The following TEAD1 variants were observed in gnomAD, a reference collection of about 807,000 sequenced individuals.
TEAD1 encodes TEA domain transcription factor 1.
Under a neutral mutation model 54.9 loss-of-function variants are expected in TEAD1, and 9 were observed. That is an observed-to-expected ratio of 0.16 (90% confidence interval 0.10 to 0.29). TEAD1 has a LOEUF of 0.29. Among genes scored for constraint, TEAD1 ranks in the 10% least tolerant of loss-of-function variants. TEAD1 has a pLI of 1.00. For missense variants in TEAD1, 387 were observed against 535.9 expected (o/e 0.72, Z 2.74); for synonymous variants, 200 against 187.8 (o/e 1.07, Z -0.53).
Position 12,940,411 on chromosome 11 carries a change from C to A in TEAD1, c.*3189C>A, listed in dbSNP as rs920824924. On this transcript the variant is annotated 3_prime_UTR_variant, in exon 13 of 13. Transcript: ENST00000527636. ...ATATCCCATCGGGTGCAAAATGATCCCTGGTCAAGATCTGTTGCCCAAGAT... is the reference window on the plus strand; with the variant it reads ...ATATCCCATCGGGTGCAAAATGATCACTGGTCAAGATCTGTTGCCCAAGAT... 1.3e-5 allele frequency: 2 copies of A among 152,148 alleles called. No individual in the cohort carries two copies. Among genetic ancestry groups the A allele is most frequent in the African/African-American group, 2.4e-5 (1 of 41,420 alleles). The allele number at this position is 152,148 out of a possible 1,614,324, so 9.4% of individuals were successfully genotyped here. A position where few individuals can be genotyped will look rare whatever the true frequency, so the allele number is the denominator to read the frequency against.
intron 10 of TEAD1, among the ~76,000 whole-genome samples, chr11:12,915,556 G>C (rs989099574): frequency 6.6e-6 from 1 of 152,192 alleles, no homozygotes; most frequent in African/African-American, 2.4e-5. Flanking sequence ...AAACCAAACA[G>C]ATCCAGGATG....
chr11:12,746,579 A>G (rs979326704), intron 2 of TEAD1, among the ~76,000 whole-genome samples: 1 of 152,260 alleles, frequency 6.6e-6, no homozygotes, highest in African/African-American at 2.4e-5. Flanking sequence ...GAGTGTAGTT[A>G]TGAATTTAAT....
At chr11:12,865,025 T>G (rs1238171219) in intron 5 of TEAD1, 125 bp downstream of exon 5, 23 of 1,056,234 alleles carry the variant, frequency 2.2e-5, no homozygotes, top group Admixed American at 7.2e-5. Context: ...TGAGAGCTGT[T>G]TACATTTCTT....
chr11:12,798,153 C>T (rs1172452891), intron 3 of TEAD1, among the ~76,000 whole-genome samples: 2 of 152,188 alleles, frequency 1.3e-5, no homozygotes, highest in African/African-American at 2.4e-5. Flanking sequence ...ATAGTTGCCT[C>T]CTGCACACAT....
intron 9 of TEAD1, among the ~76,000 whole-genome samples, chr11:12,890,540 A>G (rs992721151): frequency 1.3e-5 from 2 of 152,190 alleles, no homozygotes; most frequent in African/African-American, 4.8e-5. Context: ...CTCAGTTTCC[A>G]GTCTGTCTTA....
chr11:12,881,154 G>A (rs890844940), intron 7 of TEAD1, 103 bp downstream of exon 7: 27 of 1,321,866 alleles, frequency 2.0e-5, no homozygotes, highest in Non-Finnish European at 2.6e-5. Context: ...GGAGGAGAAA[G>A]GAGCATTACA....
intron 11 of TEAD1, among the ~76,000 whole-genome samples, chr11:12,927,092 C>T (rs920980678): frequency 6.6e-6 from 1 of 152,194 alleles, no homozygotes; most frequent in Non-Finnish European, 1.5e-5. Context: ...AGACGATACA[C>T]CCAAAGCTCT....
chr11:12,705,178 G>A (rs577662087), intron 2 of TEAD1, among the ~76,000 whole-genome samples: 95 of 152,324 alleles, frequency 6.2e-4, no homozygotes, highest in Non-Finnish European at 3.4e-4. Context: ...CAGGGAATTC[G>A]CATATCCTCT....
chr11:12,900,716 G>T (rs1338843146), intron 9 of TEAD1, among the ~76,000 whole-genome samples: 1 of 152,036 alleles, frequency 6.6e-6, no homozygotes, highest in East Asian at 1.9e-4. Flanking sequence ...ATAATACTCA[G>T]CTTTGCCCAA....
intron 2 of TEAD1, among the ~76,000 whole-genome samples, chr11:12,702,249 T>C (rs1943719362): frequency 1.3e-5 from 2 of 152,174 alleles, no homozygotes; most frequent in Admixed American, 6.5e-5. Flanking sequence ...TAGGCTGGTA[T>C]CAGGCCACAG....
intron 2 of TEAD1, among the ~76,000 whole-genome samples, chr11:12,732,203 C>G (rs1944438273): frequency 1.3e-5 from 2 of 152,108 alleles, no homozygotes; most frequent in South Asian, 4.1e-4. Flanking sequence ...TATCATCCTT[C>G]ATAGTCACTA....
At chr11:12,837,681 T>TTTCTCCTTTCTCCCTTCTCCC (rs1554940145) in intron 3 of TEAD1, among the ~76,000 whole-genome samples, 23 of 83,048 alleles carry the variant, frequency 2.8e-4, no homozygotes, top group African/African-American at 8.0e-4. Context: ...TTCTTCCTTC[T>TTTCTCCTTTCTCCCTTCTCCC]TTCTCCCTTC....
intron 10 of TEAD1, among the ~76,000 whole-genome samples, chr11:12,923,803 C>CAG (rs1948857713): frequency 2.0e-5 from 3 of 152,202 alleles, no homozygotes; most frequent in Admixed American, 6.5e-5. Flanking sequence ...TATGCAAGGG[C>CAG]AGAGGCTCAA....
rs1946992086 is a variant in TEAD1, at chr11:12,840,043, C to T, written c.203-22207C>T. ...CGGGTGAATCATGAGGTCAGGAGATCAAGACCATCCTGGCTAACATGGTGA... is the reference window on the plus strand; with the variant it reads ...CGGGTGAATCATGAGGTCAGGAGATTAAGACCATCCTGGCTAACATGGTGA... On this transcript the variant is annotated intron_variant, in intron 3 of 12. Coordinates refer to ENST00000527636, the MANE Select transcript of TEAD1 (RefSeq NM_021961.6). Among the ~76,000 whole-genome samples, 3 of 151,764 alleles carry T rather than the reference C, an allele frequency of 2.0e-5. No individual in the cohort carries two copies. The South Asian group carries it at 6.3e-4, about 32-fold the overall frequency.
intron 2 of TEAD1, among the ~76,000 whole-genome samples, chr11:12,728,725 A>G (rs1318647043): frequency 6.6e-6 from 1 of 152,168 alleles, no homozygotes; most frequent in East Asian, 1.9e-4. Flanking sequence ...AAATAAATAC[A>G]TTTTAAAAAT....
chr11:12,834,796 T>C (rs759917270), intron 3 of TEAD1, among the ~76,000 whole-genome samples: 22 of 151,546 alleles, frequency 1.5e-4, no homozygotes, highest in Non-Finnish European at 2.9e-4. Context: ...TTAAGTTTGT[T>C]TGTAGAGGTG....
chr11:12,678,695 T>C (rs995087792), intron 2 of TEAD1, among the ~76,000 whole-genome samples: 9 of 152,124 alleles, frequency 5.9e-5, no homozygotes, highest in African/African-American at 1.9e-4. Flanking sequence ...GTTTGTGGAG[T>C]GCTAGTATAT....
intron 9 of TEAD1, among the ~76,000 whole-genome samples, chr11:12,884,846 T>C (rs529821814): frequency 6.6e-6 from 1 of 152,300 alleles, no homozygotes; most frequent in South Asian, 2.1e-4. Context: ...GTGGAAGGCA[T>C]TAAGACAAAC....
intron 2 of TEAD1, among the ~76,000 whole-genome samples, chr11:12,702,686 T>TTCCCATTCCCTGGAAGCTACTTCCG (rs1226364628): frequency 6.6e-6 from 1 of 152,138 alleles, no homozygotes; most frequent in African/African-American, 2.4e-5. Flanking sequence ...AGTTACTTCC[T>TTCCCATTCCCTGGAAGCTACTTCCG]TCCCATTCCC....
Sources: gnomAD v4.1 joint callset for allele counts (sites outside exome capture counted in the v4.1 genomes callset) on GRCh38, gnomAD v4.1.1 for gene constraint, MANE v1.5 for transcripts, NCBI Gene and HGNC (gene_info 2026-07-23, HGNC 2026-07-21) for gene names.